The following ART1 variants were observed in gnomAD, a reference collection of about 807,000 sequenced individuals.
ART1 encodes the protein ADP-ribosyltransferase 1.
In ART1, 29 loss-of-function variants were observed where a neutral mutation model predicts 27.0. The ratio of observed to expected loss-of-function variants is 1.08; its 90% CI spans 0.80 to 1.47. The LOEUF is 1.47. Ranked by LOEUF, ART1 falls within the 40% of genes most tolerant of loss-of-function variation. ART1 has a pLI of 0.00. For missense variants in ART1, 480 were observed against 423.0 expected, an observed-to-expected ratio of 1.13 and a Z score of -1.18; for synonymous variants, 201 against 172.2, an observed-to-expected ratio of 1.17 and a Z score of -1.31.
intron 1 of ART1, among the ~76,000 whole-genome samples, chr11:3,651,174 C>G (rs1367942997): frequency 2.0e-5 from 3 of 146,766 alleles, no homozygotes; most frequent in Non-Finnish European, 4.5e-5. Context: ...ACCCATTATT[C>G]TGTTCTGGGT....
chr11:3,655,129 G>T (rs1176483632), intron 1 of ART1, among the ~76,000 whole-genome samples: 2 of 152,196 alleles, frequency 1.3e-5, no homozygotes, highest in Non-Finnish European at 2.9e-5. Context: ...GGCTCAGCTG[G>T]GGTCTTCCTT....
chr11:3,662,831 C>G (rs771803933), intron 4 of ART1, among the ~76,000 whole-genome samples: 1 of 152,046 alleles, frequency 6.6e-6, no homozygotes, highest in Non-Finnish European at 1.5e-5. Context: ...GCAACAAGAG[C>G]GAAACTCTGT....
At chr11:3,651,838 C>T (rs1007457337) in intron 1 of ART1, among the ~76,000 whole-genome samples, 16 of 150,944 alleles carry the variant, frequency 1.1e-4, no homozygotes, top group Non-Finnish European at 1.8e-4. Context: ...GACTGTATGT[C>T]TCTGATCCAC....
rs140524679 is a variant in ART1, at chr11:3,649,307, G to A, written c.-53+4128G>A. ...TTGACCCCAATACAAACTCGACAGTGGTTCCAAATAGCCAGAAAACGGCAC... is the reference window on the plus strand; with the variant it reads ...TTGACCCCAATACAAACTCGACAGTAGTTCCAAATAGCCAGAAAACGGCAC... On this transcript the variant is annotated intron_variant, in intron 1 of 4. Coordinates refer to ENST00000250693, the MANE Select transcript of ART1 (RefSeq NM_004314.3). 1.8e-3 allele frequency among the ~76,000 whole-genome samples: 267 copies of A among 152,264 alleles called. 1 individual carries two copies. The highest frequency in any genetic ancestry group is 6.0e-3 in the African/African-American group (249 of 41,546).
intron 1 of ART1, among the ~76,000 whole-genome samples, chr11:3,653,710 T>G (rs917125170): frequency 1.3e-5 from 2 of 152,162 alleles, no homozygotes; most frequent in African/African-American, 2.4e-5. Flanking sequence ...AATGGAAACC[T>G]GGGTGTCATC....
intron 1 of ART1, among the ~76,000 whole-genome samples, chr11:3,646,800 C>G (rs1432243062): frequency 6.6e-6 from 1 of 152,160 alleles, no homozygotes; most frequent in African/African-American, 2.4e-5. Context: ...AGTGAACTCA[C>G]CATTTCCCCT....
chr11:3,655,247 A>G (rs1438644645), intron 1 of ART1, among the ~76,000 whole-genome samples: 1 of 152,202 alleles, frequency 6.6e-6, no homozygotes, highest in African/African-American at 2.4e-5. Context: ...CCAAAAGCAG[A>G]CCCACAGACA....
intron 1 of ART1, among the ~76,000 whole-genome samples, chr11:3,650,617 T>C (rs1432822904): frequency 6.6e-6 from 1 of 152,054 alleles, no homozygotes; most frequent in Non-Finnish European, 1.5e-5. Flanking sequence ...CTCTTAAAAC[T>C]CCCCAACTCT....
chr11:3,654,934 C>T (rs1319542077), intron 1 of ART1, among the ~76,000 whole-genome samples: 1 of 152,226 alleles, frequency 6.6e-6, no homozygotes, highest in African/African-American at 2.4e-5. Context: ...AGAAACAGAG[C>T]TGTGGAGACA....
intron 1 of ART1, among the ~76,000 whole-genome samples, chr11:3,657,148 G>C (rs1394272381): frequency 6.6e-6 from 1 of 152,224 alleles, no homozygotes; most frequent in African/African-American, 2.4e-5. Flanking sequence ...ATTGGGGGCA[G>C]AGGCATAACC....
chr11:3,651,717 A>G (rs56027070), intron 1 of ART1, among the ~76,000 whole-genome samples: 28,553 of 149,538 alleles, frequency 0.19, 2,860 homozygotes, highest in South Asian at 0.22. Flanking sequence ...CTGATCCCCC[A>G]GCTCCTTCAG....
intron 1 of ART1, among the ~76,000 whole-genome samples, chr11:3,653,830 A>G (rs2077549544): frequency 7.8e-6 from 1 of 127,552 alleles, no homozygotes; most frequent in Non-Finnish European, 1.6e-5. Flanking sequence ...TCAGACATCA[A>G]GTCTTGTAAA....
chr11:3,649,900 C>T (rs2077505378), intron 1 of ART1, among the ~76,000 whole-genome samples: 1 of 152,176 alleles, frequency 6.6e-6, no homozygotes, highest in Non-Finnish European at 1.5e-5. Context: ...GCCCTAGACC[C>T]TAAAATGTCA....
At chr11:3,649,654 A>C (rs1357969017) in intron 1 of ART1, among the ~76,000 whole-genome samples, 2 of 151,252 alleles carry the variant, frequency 1.3e-5, no homozygotes, top group African/African-American at 2.4e-5. Context: ...TCTTTTTATC[A>C]CCTCCCCTCC....
At chr11:3,659,060 A>C (rs1392862852) in intron 1 of ART1, 102 bp from the exon 2 acceptor site, 3 of 696,826 alleles carry the variant, frequency 4.3e-6, no homozygotes, top group Non-Finnish European at 7.3e-6. Context: ...CTGAGCCTCC[A>C]TGTCTGTCTT....
At chr11:3,651,954 G>A (rs1232686469) in intron 1 of ART1, among the ~76,000 whole-genome samples, 7 of 150,796 alleles carry the variant, frequency 4.6e-5, no homozygotes, top group South Asian at 4.2e-4. Flanking sequence ...CCACACACCA[G>A]CAAAGGCAGG....
intron 1 of ART1, among the ~76,000 whole-genome samples, chr11:3,651,131 T>C (rs2077518815): frequency 6.6e-6 from 1 of 151,394 alleles, no homozygotes; most frequent in African/African-American, 2.4e-5. Flanking sequence ...GCCAAACCCA[T>C]ATACTCTCCT....
chr11:3,656,223 C>T (rs192689505), intron 1 of ART1, among the ~76,000 whole-genome samples: 1 of 151,946 alleles, frequency 6.6e-6, no homozygotes, highest in African/African-American at 2.4e-5. Flanking sequence ...CGTGAGCCAC[C>T]GCGCCCGGCC....
At chr11:3,647,184 A>C (rs1029620732) in intron 1 of ART1, among the ~76,000 whole-genome samples, 1 of 152,088 alleles carries the variant, frequency 6.6e-6, no homozygotes, top group African/African-American at 2.4e-5. Context: ...TTAGCCAGGC[A>C]TGATGGCACA....
Sources: allele counts gnomAD v4.1 joint callset (sites outside exome capture counted in the v4.1 genomes callset), GRCh38; gene constraint gnomAD v4.1.1; transcripts MANE v1.5; gene names NCBI Gene and HGNC (gene_info 2026-07-23, HGNC 2026-07-21).